TENM4: variants seen among roughly 807,000 people sequenced by gnomAD.
TENM4 encodes the protein teneurin-4.
TENM4 carries 82 observed loss-of-function variants against 243.3 expected under a neutral mutation model. The ratio of observed to expected loss-of-function variants is 0.34; its 90% confidence interval spans 0.28 to 0.40. The LOEUF (loss-of-function observed/expected upper bound fraction) is 0.40. Among genes scored for constraint, TENM4 ranks in the 10% least tolerant of loss-of-function variants. The pLI is 1.00. For missense variants in TENM4, 3,138 were observed against 3,673.3 expected, an observed-to-expected ratio of 0.85 and a Z score of 3.77; for synonymous variants, 1,412 against 1,456.3, an observed-to-expected ratio of 0.97 and a Z score of 0.69.
chr11:79,402,298 A>G (rs1858478766), intron 1 of TENM4, among the ~76,000 whole-genome samples: 1 of 152,194 alleles, frequency 6.6e-6, no homozygotes, highest in African/African-American at 2.4e-5. Flanking sequence ...CAATGACAAC[A>G]TATTCAAAAC....
chr11:78,892,606 A>T (rs1262300421), intron 7 of TENM4, among the ~76,000 whole-genome samples: 3 of 152,230 alleles, frequency 2.0e-5, no homozygotes, highest in Non-Finnish European at 2.9e-5. Flanking sequence ...TGGAAGAAGT[A>T]TTAAGGGCTA....
At chr11:78,745,383 T>C (rs1482600364) in intron 19 of TENM4, among the ~76,000 whole-genome samples, 2 of 152,054 alleles carry the variant, frequency 1.3e-5, no homozygotes, top group African/African-American at 4.8e-5. Flanking sequence ...TGCACCACCA[T>C]GGCCCAGCTA....
intron 2 of TENM4, among the ~76,000 whole-genome samples, chr11:79,223,510 C>G (rs966289984): frequency 9.9e-5 from 15 of 152,120 alleles, no homozygotes; most frequent in Non-Finnish European, 8.8e-5. Flanking sequence ...AAAATGCAAA[C>G]CTGACCCTCC....
At chr11:79,044,410 A>G (rs78656130) in intron 6 of TENM4, among the ~76,000 whole-genome samples, 2,612 of 152,294 alleles carry the variant, frequency 0.017, 32 homozygotes, top group Non-Finnish European at 0.024. Context: ...ACAAGGGAAT[A>G]GGGTGGGGCG....
chr11:78,708,969 C>CTTTT (rs59269770), intron 26 of TENM4, among the ~76,000 whole-genome samples: 10 of 113,138 alleles, frequency 8.8e-5, no homozygotes, highest in Admixed American at 1.9e-4. Flanking sequence ...CTTTTTCTTT[C>CTTTT]TTTTTTTTTT....
At chr11:79,163,195 A>G (rs1489974033) in intron 3 of TENM4, among the ~76,000 whole-genome samples, 1 of 152,072 alleles carries the variant, frequency 6.6e-6, no homozygotes, top group Non-Finnish European at 1.5e-5. Flanking sequence ...GGAGAGTGAG[A>G]GAAGGAAAGG....
chr11:79,071,579 A>G (rs1260979267), intron 4 of TENM4, among the ~76,000 whole-genome samples: 1 of 152,164 alleles, frequency 6.6e-6, no homozygotes, highest in Non-Finnish European at 1.5e-5. Flanking sequence ...ATTATTATTT[A>G]ATTTTAATAC....
chr11:78,959,966 CT>C (rs374804540), intron 6 of TENM4, among the ~76,000 whole-genome samples: 6 of 152,042 alleles, frequency 3.9e-5, no homozygotes, highest in African/African-American at 1.4e-4. Flanking sequence ...TATTTCCCCC[CT>C]ACCCCATAAG....
At chr11:78,865,489 C>T (rs575198880) in intron 9 of TENM4, among the ~76,000 whole-genome samples, 6 of 152,160 alleles carry the variant, frequency 3.9e-5, no homozygotes, top group Non-Finnish European at 8.8e-5. Context: ...GCCTCCAAGG[C>T]TTTTAAGTCT....
chr11:79,154,934 A>C (rs1021037673), intron 3 of TENM4, among the ~76,000 whole-genome samples: 5 of 152,176 alleles, frequency 3.3e-5, no homozygotes, highest in African/African-American at 9.7e-5. Context: ...AGGGCAGGGC[A>C]CATAGTAGGT....
intron 1 of TENM4, among the ~76,000 whole-genome samples, chr11:79,437,394 G>C (rs1036398861): frequency 5.3e-5 from 8 of 152,214 alleles, no homozygotes; most frequent in African/African-American, 1.9e-4. Context: ...CCGCAGGAAC[G>C]CGGCCGGGCC....
chr11:79,151,014 G>T (rs1315791969), intron 3 of TENM4, among the ~76,000 whole-genome samples: 1 of 152,114 alleles, frequency 6.6e-6, no homozygotes, highest in Non-Finnish European at 1.5e-5. Flanking sequence ...CTATGTGGCA[G>T]AACAGGGATT....
intron 3 of TENM4, among the ~76,000 whole-genome samples, chr11:79,192,724 G>T (rs1472443748): frequency 6.8e-6 from 1 of 147,196 alleles, no homozygotes; most frequent in East Asian, 2.0e-4. Context: ...CCCTCTGTGA[G>T]AAACACCCAA....
At chr11:79,411,337 G>A (rs1858695727) in intron 1 of TENM4, among the ~76,000 whole-genome samples, 1 of 152,158 alleles carries the variant, frequency 6.6e-6, no homozygotes, top group African/African-American at 2.4e-5. Context: ...TTTGTTTGAT[G>A]ATAACTAATA....
At chr11:79,305,581 TACATCCTG>T (rs1446035672) in intron 1 of TENM4, among the ~76,000 whole-genome samples, 2 of 152,158 alleles carry the variant, frequency 1.3e-5, no homozygotes, top group African/African-American at 2.4e-5. Context: ...AAAACGTAGA[TACATCCTG>T]AGAAGTACAA....
Position 79,008,145 on chromosome 11 carries a change from G to T in TENM4, c.493+56593C>A, listed in dbSNP as rs1858540726. ...GTTACCCATTAGAGAATGTCCCCAGGAAAGTGGGCTTGCATGGTTCCCTGG... is the reference window on the plus strand; with the variant it reads ...GTTACCCATTAGAGAATGTCCCCAGTAAAGTGGGCTTGCATGGTTCCCTGG... On this transcript the variant is annotated intron_variant, in intron 6 of 33. Transcript: ENST00000278550. Among the ~76,000 whole-genome samples, 3 of 152,180 alleles carry T rather than the reference G, an allele frequency of 2.0e-5. 1 individual carries two copies. In the South Asian group the frequency reaches 6.2e-4, roughly 31 times the overall value.
At chr11:78,861,326 T>C (rs529773377) in intron 10 of TENM4, among the ~76,000 whole-genome samples, 1 of 152,304 alleles carries the variant, frequency 6.6e-6, no homozygotes, top group South Asian at 2.1e-4. Context: ...TATTCTCCTT[T>C]TGAAGAGGAG....
At chr11:79,165,690 T>A (rs1266471635) in intron 3 of TENM4, among the ~76,000 whole-genome samples, 1 of 152,178 alleles carries the variant, frequency 6.6e-6, no homozygotes, top group Non-Finnish European at 1.5e-5. Context: ...TGCTTTCAGG[T>A]TCTTGATCAT....
intron 20 of TENM4, among the ~76,000 whole-genome samples, chr11:78,735,313 A>G (rs1243195359): frequency 6.6e-6 from 1 of 152,232 alleles, no homozygotes; most frequent in African/African-American, 2.4e-5. Context: ...GCTCTCCAGG[A>G]GAATACCCAT....
Sources: allele counts gnomAD v4.1 joint callset (sites outside exome capture counted in the v4.1 genomes callset), GRCh38; gene constraint gnomAD v4.1.1; transcripts MANE v1.5; gene names NCBI Gene and HGNC (gene_info 2026-07-23, HGNC 2026-07-21).